The following LRMDA variants were observed in gnomAD, a reference collection of about 807,000 sequenced individuals.
LRMDA encodes leucine rich melanocyte differentiation associated.
LRMDA carries 18 observed loss-of-function variants against 29.8 expected under a neutral mutation model. That is an observed-to-expected ratio of 0.60 (90% confidence interval 0.42 to 0.90). The LOEUF (loss-of-function observed/expected upper bound fraction) is 0.90. LRMDA is among the 40% of genes least tolerant of loss of function. The pLI is 0.00. For synonymous variants in LRMDA, 125 were observed against 109.4 expected (o/e 1.14, Z -0.89); for missense variants, 273 against 273.9 (o/e 1.00, Z 0.02).
chr10:75,707,526 C>T (rs981544791), intron 2 of LRMDA, among the ~76,000 whole-genome samples: 3 of 152,216 alleles, frequency 2.0e-5, no homozygotes, highest in Non-Finnish European at 4.4e-5. Flanking sequence ...CAGATGAAAG[C>T]CGGTGACCGA....
At chr10:75,527,059 C>A (rs1845421879) in intron 2 of LRMDA, among the ~76,000 whole-genome samples, 1 of 152,168 alleles carries the variant, frequency 6.6e-6, no homozygotes. Context: ...CTCCTGGCAA[C>A]CACTAATCTG....
chr10:76,320,279 T>G (rs1030483841), intron 5 of LRMDA, among the ~76,000 whole-genome samples: 1 of 152,192 alleles, frequency 6.6e-6, no homozygotes, highest in Non-Finnish European at 1.5e-5. Flanking sequence ...TTAGTAACTC[T>G]TTGATCGTGA....
chr10:76,303,426 C>T (rs963942092), intron 5 of LRMDA, among the ~76,000 whole-genome samples: 3 of 152,104 alleles, frequency 2.0e-5, no homozygotes, highest in African/African-American at 7.2e-5. Flanking sequence ...TTTTGTTCCA[C>T]TTCTGTGGAA....
Position 75,841,477 on chromosome 10 carries a change from C to T in LRMDA, c.132-194531C>T, listed in dbSNP as rs12267273. Reference sequence around the variant, plus strand: ...CAAACCTTGAGAGCCCTGCTGTTCCCTCTGGTTGCTTGGGCACTTGGCCAA... The same window carrying T: ...CAAACCTTGAGAGCCCTGCTGTTCCTTCTGGTTGCTTGGGCACTTGGCCAA... On this transcript the variant is annotated intron_variant, in intron 2 of 6. Coordinates refer to ENST00000611255, the MANE Select transcript of LRMDA (RefSeq NM_001305581.2). Among the ~76,000 whole-genome samples, 316 of 152,318 alleles carry T rather than the reference C, an allele frequency of 2.1e-3. 2 individuals are homozygous for T. The highest frequency in any genetic ancestry group is 0.01 in the Middle Eastern group (3 of 294).
At chr10:75,699,807 G>T (rs1404448849) in intron 2 of LRMDA, among the ~76,000 whole-genome samples, 1 of 152,194 alleles carries the variant, frequency 6.6e-6, no homozygotes, top group Non-Finnish European at 1.5e-5. Flanking sequence ...TTTTGAGATG[G>T]GGGATTATCT....
chr10:76,000,283 C>A (rs745812756), intron 2 of LRMDA, among the ~76,000 whole-genome samples: 9 of 152,104 alleles, frequency 5.9e-5, no homozygotes, highest in Non-Finnish European at 1.3e-4. Context: ...ATCTGCAAGT[C>A]CTCTTGAAAT....
intron 2 of LRMDA, among the ~76,000 whole-genome samples, chr10:75,503,778 A>G (rs1845141750): frequency 6.6e-6 from 1 of 152,136 alleles, no homozygotes; most frequent in African/African-American, 2.4e-5. Flanking sequence ...ACACTCGCAC[A>G]GTAGGTTGTC....
chr10:75,519,478 T>C (rs1178365320), intron 2 of LRMDA, among the ~76,000 whole-genome samples: 1 of 152,242 alleles, frequency 6.6e-6, no homozygotes, highest in African/African-American at 2.4e-5. Context: ...TTAAAGTCTG[T>C]TTTATCAGAG....
chr10:76,058,748 G>C lies in LRMDA; in HGVS notation c.481G>C (p.Val161Leu), dbSNP rs766776058. ...CAGACAAGAACGAGAGGAGGCGTTG[G>C]TCAGAGGAGTCTTCATGAAGGTGGT... ...VTRQEREEAL[V>L]RGVFMKVVKP... Residue 161 changes from valine (V) to leucine (L), a missense_variant, in exon 5 of 7, where the codon GTC (valine) becomes CTC (leucine). Coordinates refer to ENST00000611255, the MANE Select transcript of LRMDA (RefSeq NM_001305581.2). 8 of 1,614,150 alleles carry C rather than the reference G, an allele frequency of 5.0e-6. No individual in the cohort carries two copies. In the South Asian group the frequency reaches 8.8e-5, roughly 18 times the overall value.
chr10:76,546,312 C>G (rs186706150), intron 6 of LRMDA, among the ~76,000 whole-genome samples: 4 of 152,198 alleles, frequency 2.6e-5, no homozygotes. Context: ...CTTCCCACCC[C>G]AGCTAATCTC....
intron 2 of LRMDA, among the ~76,000 whole-genome samples, chr10:75,501,589 T>TA (rs1358865553): frequency 1.3e-5 from 2 of 152,216 alleles, no homozygotes; most frequent in African/African-American, 2.4e-5. Context: ...GTGAAATTTT[T>TA]ATCCTAATTT....
At chr10:76,531,904 G>T (rs1213687957) in intron 6 of LRMDA, among the ~76,000 whole-genome samples, 1 of 152,084 alleles carries the variant, frequency 6.6e-6, no homozygotes, top group African/African-American at 2.4e-5. Context: ...AACCATTTGG[G>T]CCTGGAGTTA....
At chr10:76,294,785 AT>A (rs910875092) in intron 5 of LRMDA, among the ~76,000 whole-genome samples, 12 of 152,344 alleles carry the variant, frequency 7.9e-5, no homozygotes, top group Admixed American at 4.6e-4. Flanking sequence ...AGTGTTTCAA[AT>A]CAAAGGCATT....
intron 5 of LRMDA, among the ~76,000 whole-genome samples, chr10:76,112,794 T>C (rs1301303174): frequency 1.1e-5 from 1 of 90,784 alleles, no homozygotes; most frequent in Non-Finnish European, 2.2e-5. Flanking sequence ...AGGGTGCTGT[T>C]GACAGAAGGC....
intron 2 of LRMDA, among the ~76,000 whole-genome samples, chr10:75,978,737 T>C (rs1847116406): frequency 6.6e-6 from 1 of 152,218 alleles, no homozygotes; most frequent in South Asian, 2.1e-4. Flanking sequence ...CACAAATACA[T>C]TTTTTATTTG....
At chr10:76,429,023 T>TACAC (rs140684832) in intron 6 of LRMDA, among the ~76,000 whole-genome samples, 13 of 149,956 alleles carry the variant, frequency 8.7e-5, no homozygotes, top group African/African-American at 2.2e-4. Flanking sequence ...CTGCCAATTA[T>TACAC]ACACACACAC....
chr10:76,310,234 C>T (rs998723738), intron 5 of LRMDA, among the ~76,000 whole-genome samples: 4 of 152,080 alleles, frequency 2.6e-5, no homozygotes, highest in South Asian at 2.1e-4. Flanking sequence ...AAATAATGTC[C>T]GCACATTAAG....
chr10:76,063,721 C>G (rs553943315), intron 5 of LRMDA, among the ~76,000 whole-genome samples: 99 of 152,256 alleles, frequency 6.5e-4, no homozygotes, highest in Non-Finnish European at 9.7e-4. Context: ...ACTATTTGGG[C>G]CTGAGAATCA....
chr10:75,526,659 C>G (rs1331765430), intron 2 of LRMDA, among the ~76,000 whole-genome samples: 1 of 151,814 alleles, frequency 6.6e-6, no homozygotes, highest in Admixed American at 6.6e-5. Context: ...TTGAGACCAG[C>G]CTGGACAACA....
Sources: gnomAD v4.1 joint callset for allele counts (sites outside exome capture counted in the v4.1 genomes callset) on GRCh38, gnomAD v4.1.1 for gene constraint, MANE v1.5 for transcripts, NCBI Gene and HGNC (gene_info 2026-07-23, HGNC 2026-07-21) for gene names.